Variants in CYB561A3 observed in about 807,000 individuals in gnomAD.
CYB561A3 encodes the protein lysosomal membrane ascorbate-dependent ferrireductase CYB561A3.
In CYB561A3, 16 loss-of-function variants were observed where a neutral mutation model predicts 25.3. The ratio of observed to expected loss-of-function variants is 0.63; its 90% CI spans 0.43 to 0.96. The LOEUF is 0.96. Among genes scored for constraint, CYB561A3 ranks in the 40% least tolerant of loss-of-function variants. The probability of loss-of-function intolerance (pLI) is 0.00; values close to 1 mark genes in which losing one functional copy is unlikely to be tolerated. For synonymous variants in CYB561A3, 131 were observed against 129.9 expected, an observed-to-expected ratio of 1.01 and a Z score of -0.06; for missense variants, 219 against 307.5, an observed-to-expected ratio of 0.71 and a Z score of 2.15.
chr11:61,349,570 TAGGGCTGCC>T lies in CYB561A3; in HGVS notation c.*820_*828del, dbSNP rs1857298327. 2.8e-6 allele frequency: 2 copies of T among 702,946 alleles called. No individual in the cohort carries two copies. Among genetic ancestry groups the T allele is most frequent in the East Asian group, 5.4e-5 (2 of 37,290 alleles). The allele number at this position is 702,946 out of a possible 1,614,324, so 43.5% of individuals were successfully genotyped here. A position where few individuals can be genotyped will look rare whatever the true frequency, so the allele number is the denominator to read the frequency against. ...TGGGAGAGCAGGTCACCAGGATTTG[TAGGGCTGCC>T]TGCCGGTGACAGACACGTAAGTCAC... On this transcript the variant is annotated 3_prime_UTR_variant, in exon 7 of 7. Coordinates refer to ENST00000294072, the MANE Select transcript of CYB561A3 (RefSeq NM_153611.6).
At chr11:61,361,646 G>A (rs1565074185) in intron 1 of CYB561A3, 87 bp downstream of exon 1, 1 of 152,276 alleles carries the variant, frequency 6.6e-6, no homozygotes, top group African/African-American at 2.4e-5. Context: ...GCCGAGCAAG[G>A]GGATCGCGAC....
rs957075385 is a variant in CYB561A3 at position 61,350,111 on chromosome 11, A to C, written c.*288T>G. On this transcript the variant is annotated 3_prime_UTR_variant, in exon 7 of 7. Transcript: ENST00000294072. ...CACCAAGGAAAGCAGACAGGCAGCA[A>C]GCAGCCAGAGAAGGCAGGCCCAGCA... The C allele has an allele frequency of 3.5e-6, 2 of 569,890 alleles. No homozygotes were observed. Among genetic ancestry groups the C allele is most frequent in the African/African-American group, 3.8e-5 (2 of 53,276 alleles). 35.3% of individuals were successfully genotyped at this position (569,890 alleles called of 1,614,324 possible). A position where few individuals can be genotyped will look rare whatever the true frequency, so the allele number is the denominator to read the frequency against.
In CYB561A3 at chr11:61,349,091, C is replaced by T; in HGVS notation, c.*1308G>A. ...CTTCTCACTTGCTTACTAAGCACAG[C>T]AGTCTGAAGCTTGGGACCTGGCAGT... On this transcript the variant is annotated 3_prime_UTR_variant, in exon 7 of 7. Transcript: ENST00000294072. 5.7e-6 allele frequency: 1 copy of T among 175,600 alleles called. No individual in the cohort carries two copies. The highest frequency in any genetic ancestry group is 1.2e-5 in the Non-Finnish European group (1 of 80,592). 10.9% of individuals were successfully genotyped at this position (175,600 alleles called of 1,614,324 possible).
chr11:61,349,124 T>C lies in CYB561A3; in HGVS notation c.*1275A>G, dbSNP rs1590591676. On this transcript the variant is annotated 3_prime_UTR_variant, in exon 7 of 7. Transcript: ENST00000294072. The stretch of plus-strand genomic sequence containing the variant: ...AGCTTGGGACCTGGCAGTGCGTCTT[T>C]GGAGAAGGCAAAAAAGCCACAGCAG... The C allele has an allele frequency of 5.4e-6, 1 of 185,502 alleles. No homozygotes were observed. Among genetic ancestry groups the C allele is most frequent in the Non-Finnish European group, 1.2e-5 (1 of 86,094 alleles). The allele number at this position is 185,502 out of a possible 1,614,324, so 11.5% of individuals were successfully genotyped here.
Position 61,356,567 on chromosome 11 carries a change from C to A in CYB561A3, c.147G>T (p.Val49=), listed in dbSNP as rs1211857834. 9 of 1,614,068 alleles carry A rather than the reference C, an allele frequency of 5.6e-6. No individual in the cohort carries two copies. The African/African-American group carries it at 8.0e-5, about 14-fold the overall frequency. The part of the protein sequence containing the change: ...GSIYMFNWHP[V]LMVAGMVVFY... The stretch of plus-strand genomic sequence containing the variant: ...ATACCACCATGCCAGCAACCATAAG[C>A]ACTGGGTGCCAGTTGAACATGTAGA... Residue 49 remains valine, a synonymous_variant, in exon 3 of 7, where the codon GTG becomes GTT. Transcript: ENST00000294072.
Position 61,354,122 on chromosome 11 carries a change from ACTC to A in CYB561A3, c.185-133_185-131del, listed in dbSNP as rs987235555. On this transcript the variant is annotated intron_variant, in intron 3 of 6. Transcript: ENST00000294072. ...AGGAAATGCTAGGGCACTGGTATCA[ACTC>A]CTCGGCATCTTCTACCCTCCCATGA... 2.0e-5 allele frequency: 18 copies of A among 883,370 alleles called. No homozygotes were observed. In the African/African-American group the frequency reaches 2.5e-4, roughly 12 times the overall value. The allele number at this position is 883,370 out of a possible 1,614,324, so 54.7% of individuals were successfully genotyped here.
chr11:61,351,794 T>TC (rs1857422897), intron 5 of CYB561A3: 1 of 152,186 alleles, frequency 6.6e-6, no homozygotes, highest in South Asian at 2.1e-4. Context: ...ATGCCTGTAG[T>TC]CCTAGCTTAC....
chr11:61,358,347 G>A (rs534080425), intron 1 of CYB561A3: 1 of 151,076 alleles, frequency 6.6e-6, no homozygotes, highest in African/African-American at 2.4e-5. Flanking sequence ...TTGAACCAGG[G>A]AGGCAGAGGT....
At chr11:61,358,544 C>T (rs555876561) in intron 1 of CYB561A3, 2 of 150,578 alleles carry the variant, frequency 1.3e-5, no homozygotes, top group Non-Finnish European at 3.0e-5. Flanking sequence ...ATATGGTGAA[C>T]CCCCGCCCCC....
chr11:61,350,318 G>C lies in CYB561A3; in HGVS notation c.*81C>G. ...AGAAAGTCGCCTGCTGAAACCAGCC[G>C]GGAGCCCTGGGAAGAGCAGAGCTTC... On this transcript the variant is annotated 3_prime_UTR_variant, in exon 7 of 7. Coordinates refer to ENST00000294072, the MANE Select transcript of CYB561A3 (RefSeq NM_153611.6). 1 of 1,549,100 alleles carries C rather than the reference G, an allele frequency of 6.5e-7. No individual in the cohort carries two copies. Among genetic ancestry groups the C allele is most frequent in the Non-Finnish European group, 8.8e-7 (1 of 1,141,960 alleles).
chr11:61,353,374 C>T (rs376332245), intron 4 of CYB561A3: 6 of 615,124 alleles, frequency 9.8e-6, no homozygotes, highest in African/African-American at 3.7e-5. Flanking sequence ...ACCCAACCAC[C>T]TTGTTTGTCT....
Position 61,349,772 on chromosome 11 carries a change from AC to A in CYB561A3, c.*626del. On this transcript the variant is annotated 3_prime_UTR_variant, in exon 7 of 7. Coordinates refer to ENST00000294072, the MANE Select transcript of CYB561A3 (RefSeq NM_153611.6). ...GCCGCCACTCCCCCTTTCTGCAATCACCCCATGATGTCTCCACCCCACCTCA... is the reference window on the plus strand; with the variant it reads ...GCCGCCACTCCCCCTTTCTGCAATCACCCATGATGTCTCCACCCCACCTCA... The A allele has an allele frequency of 1.5e-6, 1 of 647,102 alleles. No individual in the cohort carries two copies. Among genetic ancestry groups the A allele is most frequent in the Non-Finnish European group, 2.8e-6 (1 of 352,818 alleles). The allele number at this position is 647,102 out of a possible 1,614,324, so 40.1% of individuals were successfully genotyped here. A position where few individuals can be genotyped will look rare whatever the true frequency, so the allele number is the denominator to read the frequency against.
At chr11:61,356,343 C>A in intron 3 of CYB561A3, 187 bp downstream of exon 3, 1 of 782,586 alleles carries the variant, frequency 1.3e-6, no homozygotes, top group Non-Finnish European at 2.0e-6. Context: ...GTGAAGCCAC[C>A]CTTCTGAGAT....
In CYB561A3 at chr11:61,351,158, C is replaced by T; in HGVS notation, c.549-11G>A. On this transcript the variant is annotated splice_polypyrimidine_tract_variant and intron_variant, in intron 5 of 6. Coordinates refer to ENST00000294072, the MANE Select transcript of CYB561A3 (RefSeq NM_153611.6). ...CTGGTGGTGTTTTTCCTGAAGATGACAAAACAATGTGAGCCCTCGAGAGAT... is the reference window on the plus strand; with the variant it reads ...CTGGTGGTGTTTTTCCTGAAGATGATAAAACAATGTGAGCCCTCGAGAGAT... The T allele has an allele frequency of 6.2e-7, 1 of 1,605,114 alleles. No individual in the cohort carries two copies. The highest frequency in any genetic ancestry group is 8.5e-7 in the Non-Finnish European group (1 of 1,175,474).
At chr11:61,360,306 G>C (rs920698625) in intron 1 of CYB561A3, 1 of 152,242 alleles carries the variant, frequency 6.6e-6, no homozygotes, top group Admixed American at 6.5e-5. Flanking sequence ...CCTCTCATTT[G>C]TTCTAAGGGC....
rs1386788278 is a variant in CYB561A3 at position 61,350,228 on chromosome 11, C to G, written c.*171G>C. ...AGGCAAAGCCACCAAGGAAAGCAGACAGGCAGCAAGCGGCCGGAGAGGGCA... is the reference window on the plus strand; with the variant it reads ...AGGCAAAGCCACCAAGGAAAGCAGAGAGGCAGCAAGCGGCCGGAGAGGGCA... On this transcript the variant is annotated 3_prime_UTR_variant, in exon 7 of 7. Transcript: ENST00000294072. 1 of 807,060 alleles carries G rather than the reference C, an allele frequency of 1.2e-6. No individual in the cohort carries two copies. The highest frequency in any genetic ancestry group is 2.8e-5 in the Admixed American group (1 of 36,176). The allele number at this position is 807,060 out of a possible 1,614,324, so 50.0% of individuals were successfully genotyped here.
chr11:61,353,081 A>G lies in CYB561A3; in HGVS notation c.452T>C (p.Leu151Pro), dbSNP rs751494885. 6.2e-7 allele frequency: 1 copy of G among 1,613,978 alleles called. No homozygotes were observed. Residue 151 changes from leucine to proline, a missense_variant, in exon 5 of 7, where the codon CTC (leucine) becomes CCC (proline). Coordinates refer to ENST00000294072, the MANE Select transcript of CYB561A3 (RefSeq NM_153611.6). The stretch of plus-strand genomic sequence containing the variant: ...AAAAAAGACGTGGATAGGTTTTAGG[A>G]GGCTGCGCAGCCACATGGACGCCCA... ...LPWASMWLRS[L>P]LKPIHVFFGA...
chr11:61,354,501 C>G (rs937300777), intron 3 of CYB561A3: 2 of 165,654 alleles, frequency 1.2e-5, no homozygotes, highest in African/African-American at 4.8e-5. Context: ...ATTATCCGGG[C>G]ATGGTGGCAC....
At chr11:61,350,900 A>G (rs1590596599) in intron 6 of CYB561A3, 91 bp downstream of exon 6, 1 of 1,498,786 alleles carries the variant, frequency 6.7e-7, no homozygotes, top group East Asian at 2.4e-5. Flanking sequence ...CCACAGGGTA[A>G]GTCTTCTTGT....
Sources: allele counts gnomAD v4.1 joint callset, GRCh38; gene constraint gnomAD v4.1.1; transcripts MANE v1.5; gene names NCBI Gene and HGNC (gene_info 2026-07-23, HGNC 2026-07-21).